The following PAPSS1 variants were observed in gnomAD, a reference collection of about 807,000 sequenced individuals.
PAPSS1 encodes the protein bifunctional 3'-phosphoadenosine 5'-phosphosulfate synthase 1.
A neutral mutation model predicts 72.0 loss-of-function variants in PAPSS1; 50 were observed. That is an observed-to-expected ratio of 0.69 (90% CI 0.55 to 0.88). The LOEUF (loss-of-function observed/expected upper bound fraction) is 0.88, where lower values mean the gene tolerates loss of function less well. PAPSS1 is among the 40% of genes least tolerant of loss of function. The probability of loss-of-function intolerance (pLI) is 0.00; values close to 1 mark genes in which losing one functional copy is unlikely to be tolerated. For synonymous variants in PAPSS1, 261 were observed against 263.6 expected (o/e 0.99, Z 0.09); for missense variants, 657 against 782.2 (o/e 0.84, Z 1.91).
chr4:107,684,153 A>T (rs17037986), intron 4 of PAPSS1, among the ~76,000 whole-genome samples: 10,894 of 152,234 alleles, frequency 0.072, 1,273 homozygotes, highest in African/African-American at 0.25. Flanking sequence ...ACAAGGTCTT[A>T]TTCATCTTTG....
In PAPSS1 at chr4:107,623,618, A is replaced by T. The variant is rs544190025; in HGVS notation, c.1736+8013T>A. Among the ~76,000 whole-genome samples, 3 of 152,306 alleles carry T rather than the reference A, an allele frequency of 2.0e-5. No individual in the cohort carries two copies. In the South Asian group the frequency reaches 6.2e-4, roughly 32 times the overall value. On this transcript the variant is annotated intron_variant, in intron 11 of 11. Transcript: ENST00000265174. Reference sequence around the variant, plus strand: ...ACAGTCTCCTAGAACAGGAGAAGGAACTGGGTTCATTTCAGGTTCTCCCTT... The same window carrying T: ...ACAGTCTCCTAGAACAGGAGAAGGATCTGGGTTCATTTCAGGTTCTCCCTT...
In PAPSS1 at chr4:107,703,573, C is replaced by T. The variant is rs548330289; in HGVS notation, c.61-2288G>A. 4.5e-4 allele frequency among the ~76,000 whole-genome samples: 69 copies of T among 152,186 alleles called. No homozygotes were observed. The South Asian group carries it at 9.1e-3, about 20-fold the overall frequency. On this transcript the variant is annotated intron_variant, in intron 1 of 11. Coordinates refer to ENST00000265174, the MANE Select transcript of PAPSS1 (RefSeq NM_005443.5). ...AAGGGTCTAACTTCATTCTTCTTCA[C>T]GCAGATATCCAGTTTTCCCAACACC...
intron 9 of PAPSS1, among the ~76,000 whole-genome samples, chr4:107,649,724 G>A (rs1211854842): frequency 6.6e-6 from 1 of 152,222 alleles, no homozygotes; most frequent in Admixed American, 6.5e-5. Flanking sequence ...TTAAAATGTA[G>A]TTTGTAATTC....
Position 107,701,191 on chromosome 4 carries a change from C to A in PAPSS1, c.155G>T (p.Gly52Val), listed in dbSNP as rs1027624730. The A allele has an allele frequency of 3.1e-6, 5 of 1,613,430 alleles. No individual in the cohort carries two copies. The highest frequency in any genetic ancestry group is 2.5e-6 in the Non-Finnish European group (3 of 1,179,506). The change falls in exon 2 of 12, where the codon GGT becomes GTT. Residue 52 changes from glycine to valine, a missense_variant. Physicochemically the swap from Gly to Val is moderately radical, Grantham distance 109. Around this residue, in one of 7 missense-constraint regions of PAPSS1, gnomAD observed 119 missense variants for 171.1 expected, o/e 0.70. Transcript: ENST00000265174. ...CATACCTGTTAGCCAAACTGTGCAA[C>A]CACGAAAGCCACCTCTGGTCCCCAC... Reference protein sequence around the residue: ...QVVGTRGGFRGCTVWLTGLSG... With the variant: ...QVVGTRGGFRVCTVWLTGLSG...
intron 10 of PAPSS1, among the ~76,000 whole-genome samples, chr4:107,637,114 C>T (rs1284983841): frequency 6.6e-6 from 1 of 152,166 alleles, no homozygotes; most frequent in African/African-American, 2.4e-5. Flanking sequence ...TCAATGATCG[C>T]TGATGGATAA....
intron 2 of PAPSS1, chr4:107,694,337 T>C (rs1163330279): frequency 1.2e-5 from 3 of 248,794 alleles, no homozygotes; most frequent in African/African-American, 4.5e-5. Context: ...ACATTCATTA[T>C]GCAAAGCAAT....
At chr4:107,626,651 T>C (rs182453020) in intron 11 of PAPSS1, among the ~76,000 whole-genome samples, 8 of 152,346 alleles carry the variant, frequency 5.3e-5, no homozygotes, top group East Asian at 1.9e-4. Context: ...TTGTCTTACA[T>C]TGGTATTTAA....
intron 1 of PAPSS1, among the ~76,000 whole-genome samples, chr4:107,717,761 A>G (rs1723675209): frequency 6.6e-6 from 1 of 152,170 alleles, no homozygotes; most frequent in African/African-American, 2.4e-5. Flanking sequence ...CAATTTCCAC[A>G]CAGGTAACAA....
chr4:107,669,256 G>T (rs1578409909), intron 5 of PAPSS1, among the ~76,000 whole-genome samples: 1 of 152,202 alleles, frequency 6.6e-6, no homozygotes, highest in African/African-American at 2.4e-5. Flanking sequence ...GATGAACTTT[G>T]AGCTGAATGT....
chr4:107,664,776 T>A (rs1176325263), intron 5 of PAPSS1, among the ~76,000 whole-genome samples: 1 of 152,234 alleles, frequency 6.6e-6, no homozygotes, highest in Non-Finnish European at 1.5e-5. Flanking sequence ...TGAAATATTT[T>A]GTGCACTAAT....
chr4:107,622,144 A>T (rs1725981659), intron 11 of PAPSS1, among the ~76,000 whole-genome samples: 1 of 152,198 alleles, frequency 6.6e-6, no homozygotes, highest in Admixed American at 6.5e-5. Context: ...TTAGAGAAAG[A>T]GAAAATGACC....
At chr4:107,681,271 G>T (rs185445633) in intron 5 of PAPSS1, among the ~76,000 whole-genome samples, 69 of 152,200 alleles carry the variant, frequency 4.5e-4, no homozygotes, top group African/African-American at 1.3e-3. Flanking sequence ...AATAGCAAAG[G>T]GGGGAATGCA....
chr4:107,684,706 TAGA>T (rs1722727021), intron 4 of PAPSS1, among the ~76,000 whole-genome samples: 1 of 152,144 alleles, frequency 6.6e-6, no homozygotes, highest in Non-Finnish European at 1.5e-5. Context: ...ACCTATAGCC[TAGA>T]AGCTCCCCGC....
At chr4:107,626,709 T>C (rs4956111) in intron 11 of PAPSS1, among the ~76,000 whole-genome samples, 31,376 of 152,196 alleles carry the variant, frequency 0.21, 3,498 homozygotes, top group East Asian at 0.37. Context: ...AACCTGGCGC[T>C]GAGTAACATC....
At chr4:107,618,783 A>C (rs1479205156) in intron 11 of PAPSS1, among the ~76,000 whole-genome samples, 1 of 152,172 alleles carries the variant, frequency 6.6e-6, no homozygotes, top group South Asian at 2.1e-4. Flanking sequence ...GAGAGGTTAC[A>C]TCTCAGGACA....
At chr4:107,700,377 A>G (rs546986641) in intron 2 of PAPSS1, among the ~76,000 whole-genome samples, 7 of 152,342 alleles carry the variant, frequency 4.6e-5, no homozygotes, top group African/African-American at 1.4e-4. Context: ...ATCTGTATCA[A>G]TTCAGTCACT....
chr4:107,679,109 C>T lies in PAPSS1; in HGVS notation c.669+2906G>A, dbSNP rs114788149. 2.6e-3 allele frequency among the ~76,000 whole-genome samples: 396 copies of T among 152,222 alleles called. 1 individual carries two copies. Among genetic ancestry groups the T allele is most frequent in the African/African-American group, 9.0e-3 (375 of 41,530 alleles). On this transcript the variant is annotated intron_variant, in intron 5 of 11. Transcript: ENST00000265174. ...TGTTATGCAGGGAGGGGAAGGAGCA[C>T]TGAGAAAAACCCACCTCAAGACTCA...
chr4:107,713,420 G>A (rs1435424135), intron 1 of PAPSS1, among the ~76,000 whole-genome samples: 2 of 152,028 alleles, frequency 1.3e-5, no homozygotes, highest in Non-Finnish European at 2.9e-5. Context: ...GGTGATGGCT[G>A]TACAACTCTG....
intron 11 of PAPSS1, among the ~76,000 whole-genome samples, chr4:107,617,796 G>T (rs1178719788): frequency 6.6e-6 from 1 of 152,192 alleles, no homozygotes; most frequent in African/African-American, 2.4e-5. Context: ...GTTTATAAAT[G>T]TAGGGAGTAT....
Sources: allele counts gnomAD v4.1 joint callset (sites outside exome capture counted in the v4.1 genomes callset), GRCh38; gene constraint gnomAD v4.1.1; regional missense constraint gnomAD v4.1.1; transcripts MANE v1.5; gene names NCBI Gene and HGNC (gene_info 2026-07-23, HGNC 2026-07-21).